The following FYB1 variants were observed in gnomAD, a reference collection of about 807,000 sequenced individuals.
FYB1 encodes FYN binding protein 1.
In FYB1, 41 loss-of-function variants were observed where a neutral mutation model predicts 94.1. The observed-to-expected ratio is 0.44, with a 90% confidence interval of 0.34 to 0.57. The LOEUF (loss-of-function observed/expected upper bound fraction) is 0.57, where lower values mean the gene tolerates loss of function less well. Ranked by LOEUF, FYB1 falls within the 20% of genes least tolerant of loss-of-function variation. FYB1 has a pLI of 0.02. For missense variants in FYB1, 1,050 were observed against 976.8 expected (o/e 1.07, Z -1.00); for synonymous variants, 367 against 353.2 (o/e 1.04, Z -0.44).
At chr5:39,216,069 C>A (rs925626114) in intron 1 of FYB1, among the ~76,000 whole-genome samples, 1 of 152,108 alleles carries the variant, frequency 6.6e-6, no homozygotes, top group Admixed American at 6.5e-5. Context: ...AGGCCAGAAA[C>A]GAATCCTCCC....
chr5:39,158,121 CAG>C (rs1743919878), intron 2 of FYB1, among the ~76,000 whole-genome samples: 1 of 152,162 alleles, frequency 6.6e-6, no homozygotes, highest in Non-Finnish European at 1.5e-5. Context: ...TTGCGAATAA[CAG>C]GGAGTGAAAT....
At chr5:39,229,753 G>C (rs1276237494) in intron 1 of FYB1, among the ~76,000 whole-genome samples, 1 of 152,176 alleles carries the variant, frequency 6.6e-6, no homozygotes, top group East Asian at 1.9e-4. Context: ...GAGAGGTAAA[G>C]TGAGTTGCCT....
At chr5:39,127,667 T>C in intron 11 of FYB1, 74 bp downstream of exon 11, 1 of 1,453,560 alleles carries the variant, frequency 6.9e-7, no homozygotes, top group Non-Finnish European at 9.1e-7. Flanking sequence ...GCTTTTTATT[T>C]TAACTGGAAA....
chr5:39,125,953 A>G (rs1333711356), intron 12 of FYB1, 45 bp downstream of exon 12: 1 of 1,568,264 alleles, frequency 6.4e-7, no homozygotes. Context: ...TTCAATACAT[A>G]TTAGTGTAGT....
At chr5:39,217,370 G>A (rs747583227) in intron 1 of FYB1, among the ~76,000 whole-genome samples, 32 of 152,168 alleles carry the variant, frequency 2.1e-4, no homozygotes, top group Non-Finnish European at 3.4e-4. Context: ...TCACACAGTT[G>A]GGCTAAAATC....
chr5:39,208,149 T>G (rs78326054), intron 1 of FYB1, among the ~76,000 whole-genome samples: 37,972 of 152,196 alleles, frequency 0.25, 5,457 homozygotes, highest in Non-Finnish European at 0.33. Flanking sequence ...GAACGTTCTT[T>G]AAAATACAAA....
intron 2 of FYB1, among the ~76,000 whole-genome samples, chr5:39,190,026 A>G (rs1397389836): frequency 6.6e-6 from 1 of 152,184 alleles, no homozygotes; most frequent in Non-Finnish European, 1.5e-5. Flanking sequence ...TGAATAACAC[A>G]CAGGATGATG....
intron 16 of FYB1, among the ~76,000 whole-genome samples, chr5:39,114,247 CAT>C (rs1475511850): frequency 1.3e-5 from 2 of 152,054 alleles, no homozygotes; most frequent in African/African-American, 4.8e-5. Context: ...GCTTATGAGA[CAT>C]AGAGTTGTGG....
intron 2 of FYB1, among the ~76,000 whole-genome samples, chr5:39,190,672 A>G (rs1747271055): frequency 6.6e-6 from 1 of 152,206 alleles, no homozygotes; most frequent in Admixed American, 6.5e-5. Context: ...ACTCAAAGAA[A>G]CAGCGATTAC....
At chr5:39,115,566 G>A (rs1389566955) in intron 16 of FYB1, among the ~76,000 whole-genome samples, 1 of 152,076 alleles carries the variant, frequency 6.6e-6, no homozygotes, top group Non-Finnish European at 1.5e-5. Context: ...TTGTGGGGAA[G>A]TTGATTCTGA....
At chr5:39,135,155 G>A (rs891707484) in intron 7 of FYB1, 141 bp from the exon 8 acceptor site, 1 of 932,058 alleles carries the variant, frequency 1.1e-6, no homozygotes, top group Non-Finnish European at 1.6e-6. Context: ...AGAAATTGAG[G>A]GTGAATGTTT....
At chr5:39,130,328 A>G (rs1376345085) in intron 10 of FYB1, among the ~76,000 whole-genome samples, 1 of 152,072 alleles carries the variant, frequency 6.6e-6, no homozygotes, top group Non-Finnish European at 1.5e-5. Context: ...GATAGAAGGA[A>G]TAAGTTCTAA....
intron 2 of FYB1, among the ~76,000 whole-genome samples, chr5:39,173,936 G>T (rs1168364932): frequency 6.6e-6 from 1 of 151,592 alleles, no homozygotes; most frequent in Non-Finnish European, 1.5e-5. Context: ...TCTTTTTTTT[G>T]ATTCCAGATG....
intron 2 of FYB1, chr5:39,170,482 T>C (rs1324309998): frequency 2.1e-5 from 7 of 331,142 alleles, no homozygotes; most frequent in African/African-American, 1.3e-4. Flanking sequence ...TCTGATTCCC[T>C]ACATCCAATA....
At chr5:39,271,730 A>T (rs1448926047) in intron 1 of FYB1, among the ~76,000 whole-genome samples, 1 of 152,242 alleles carries the variant, frequency 6.6e-6, no homozygotes. Context: ...GTTGAGTTCC[A>T]GAAGTAGAAA....
chr5:39,266,902 G>C (rs1301826537), intron 1 of FYB1, among the ~76,000 whole-genome samples: 2 of 152,112 alleles, frequency 1.3e-5, no homozygotes, highest in South Asian at 2.1e-4. Context: ...ACCCCTAAAG[G>C]CCAGTCCTGG....
intron 2 of FYB1, chr5:39,169,117 T>C (rs901197515): frequency 1.6e-5 from 11 of 674,088 alleles, no homozygotes; most frequent in Non-Finnish European, 2.7e-5. Flanking sequence ...AATAATCTTG[T>C]GCACATTCTC....
At chr5:39,166,049 A>T (rs1405269780) in intron 2 of FYB1, among the ~76,000 whole-genome samples, 1 of 152,242 alleles carries the variant, frequency 6.6e-6, no homozygotes, top group Non-Finnish European at 1.5e-5. Context: ...AAATTAGTAC[A>T]GCTTCTAGAG....
intron 1 of FYB1, among the ~76,000 whole-genome samples, chr5:39,234,549 C>A (rs1193957607): frequency 2.0e-5 from 3 of 152,104 alleles, no homozygotes; most frequent in Non-Finnish European, 4.4e-5. Flanking sequence ...TGGGTATCTA[C>A]CCAAAGGATT....
Sources: gnomAD v4.1 joint callset for allele counts (sites outside exome capture counted in the v4.1 genomes callset) on GRCh38, gnomAD v4.1.1 for gene constraint, MANE v1.5 for transcripts, NCBI Gene and HGNC (gene_info 2026-07-23, HGNC 2026-07-21) for gene names.